PARD3: variants seen among roughly 807,000 people sequenced by gnomAD.
PARD3 encodes partitioning defective 3 homolog.
In PARD3, 75 loss-of-function variants were observed where a neutral mutation model predicts 155.4. The ratio of observed to expected loss-of-function variants is 0.48; its 90% CI spans 0.40 to 0.58. PARD3 has a LOEUF of 0.58. PARD3 is among the 20% of genes least tolerant of loss of function. The probability of loss-of-function intolerance (pLI) is 0.00; values close to 1 mark genes in which losing one functional copy is unlikely to be tolerated. For synonymous variants in PARD3, 576 were observed against 610.5 expected, an observed-to-expected ratio of 0.94 and a Z score of 0.83; for missense variants, 1,642 against 1,721.7, an observed-to-expected ratio of 0.95 and a Z score of 0.82.
At chr10:34,465,392 CA>C (rs1164836032) in intron 4 of PARD3, among the ~76,000 whole-genome samples, 1 of 152,088 alleles carries the variant, frequency 6.6e-6, no homozygotes, top group Non-Finnish European at 1.5e-5. Flanking sequence ...TAAACTTAGA[CA>C]AAACATCTCA....
chr10:34,273,685 T>C (rs555766100), intron 21 of PARD3, among the ~76,000 whole-genome samples: 1 of 152,362 alleles, frequency 6.6e-6, no homozygotes, highest in Admixed American at 6.5e-5. Flanking sequence ...CTTTGTACTA[T>C]ATTCATAACT....
At chr10:34,184,791 A>C (rs1269140505) in intron 22 of PARD3, among the ~76,000 whole-genome samples, 7 of 151,976 alleles carry the variant, frequency 4.6e-5, no homozygotes, top group African/African-American at 9.7e-5. Context: ...TACCATGAAA[A>C]ACATATCCCA....
At chr10:34,677,431 G>C (rs992619700) in intron 2 of PARD3, among the ~76,000 whole-genome samples, 4 of 150,330 alleles carry the variant, frequency 2.7e-5, no homozygotes, top group African/African-American at 7.3e-5. Context: ...CAAGAGCTGT[G>C]ATCATGCCAC....
chr10:34,355,732 G>C (rs1380919261), intron 14 of PARD3, among the ~76,000 whole-genome samples: 1 of 151,896 alleles, frequency 6.6e-6, no homozygotes, highest in Non-Finnish European at 1.5e-5. Context: ...TTTGAGACCA[G>C]CCTGACCAAC....
chr10:34,113,138 T>C (rs1344998563), intron 24 of PARD3, among the ~76,000 whole-genome samples: 3 of 152,218 alleles, frequency 2.0e-5, no homozygotes, highest in African/African-American at 7.2e-5. Context: ...GATTCTTTTA[T>C]GAGTTATCAG....
chr10:34,384,117 G>A lies in PARD3; in HGVS notation c.1016+12C>T, dbSNP rs767811648. 2.5e-6 allele frequency: 4 copies of A among 1,611,570 alleles called. No homozygotes were observed. The highest frequency in any genetic ancestry group is 3.4e-6 in the Non-Finnish European group (4 of 1,178,622). On this transcript the variant is annotated intron_variant, in intron 8 of 24. Coordinates refer to ENST00000374788, the MANE Select transcript of PARD3 (RefSeq NM_001184785.2). ...GCAAGTAAGAACAGAAGTGCAGCGA[G>A]CACACACTTACTGTTCAAATCTTCT...
intron 20 of PARD3, among the ~76,000 whole-genome samples, chr10:34,287,977 G>A (rs1237941830): frequency 2.0e-5 from 3 of 152,136 alleles, no homozygotes; most frequent in African/African-American, 2.4e-5. Flanking sequence ...TTGGGAGGTC[G>A]CCGTGGACAG....
intron 22 of PARD3, among the ~76,000 whole-genome samples, chr10:34,163,685 T>G (rs770297476): frequency 6.6e-6 from 1 of 152,204 alleles, no homozygotes; most frequent in Non-Finnish European, 1.5e-5. Context: ...AGGAAATGCA[T>G]AAACAAATAG....
intron 5 of PARD3, among the ~76,000 whole-genome samples, chr10:34,446,701 T>C (rs1375434825): frequency 6.6e-6 from 1 of 152,234 alleles, no homozygotes; most frequent in Non-Finnish European, 1.5e-5. Flanking sequence ...TTTAAAATTA[T>C]TTCCATCACA....
intron 5 of PARD3, among the ~76,000 whole-genome samples, chr10:34,438,816 C>T (rs191012619): frequency 1.1e-3 from 167 of 152,176 alleles, no homozygotes; most frequent in Non-Finnish European, 1.9e-3. Context: ...GGATATCACC[C>T]GCCATCAAAT....
At chr10:34,667,931 T>A (rs1258669932) in intron 2 of PARD3, among the ~76,000 whole-genome samples, 2 of 152,152 alleles carry the variant, frequency 1.3e-5, no homozygotes, top group Non-Finnish European at 2.9e-5. Context: ...TAAAGGGGAA[T>A]GAGAAGAAGG....
At chr10:34,804,265 G>A (rs1007124700) in intron 1 of PARD3, among the ~76,000 whole-genome samples, 1 of 152,136 alleles carries the variant, frequency 6.6e-6, no homozygotes, top group South Asian at 2.1e-4. Flanking sequence ...TTGAACTCCT[G>A]GCCTCAAGTG....
At chr10:34,448,163 G>GTGTGTGTGTGTGTGTA (rs373479806) in intron 5 of PARD3, among the ~76,000 whole-genome samples, 1 of 149,640 alleles carries the variant, frequency 6.7e-6, no homozygotes, top group African/African-American at 2.5e-5. Context: ...GTGTGTGTGT[G>GTGTGTGTGTGTGTGTA]TACACATAAA....
In PARD3 at chr10:34,614,814, G is replaced by A. The variant is rs1042055162; in HGVS notation, c.222+81504C>T. 4.6e-5 allele frequency among the ~76,000 whole-genome samples: 7 copies of A among 152,080 alleles called. No individual in the cohort carries two copies. The South Asian group carries it at 6.2e-4, about 13-fold the overall frequency. On this transcript the variant is annotated intron_variant, in intron 2 of 24. Transcript: ENST00000374788. The stretch of plus-strand genomic sequence containing the variant: ...CTAAAATTTATATGAAACCACAAAA[G>A]ACCTCAAATAGCCAAAGTGACACTA...
chr10:34,542,177 C>G (rs2083656105), intron 2 of PARD3, among the ~76,000 whole-genome samples: 1 of 151,090 alleles, frequency 6.6e-6, no homozygotes, highest in East Asian at 2.0e-4. Context: ...TCAATGTACA[C>G]TTACAAAGCA....
chr10:34,180,130 C>A (rs1251825754), intron 22 of PARD3, among the ~76,000 whole-genome samples: 1 of 152,156 alleles, frequency 6.6e-6, no homozygotes, highest in Non-Finnish European at 1.5e-5. Context: ...TCACTGCAAC[C>A]TCCCCGTCCC....
chr10:34,625,727 A>T lies in PARD3; in HGVS notation c.222+70591T>A, dbSNP rs1009571572. Among the ~76,000 whole-genome samples the T allele has an allele frequency of 2.6e-5, 4 of 152,194 alleles. No homozygotes were observed. The South Asian group carries it at 8.3e-4, about 32-fold the overall frequency. On this transcript the variant is annotated intron_variant, in intron 2 of 24. Coordinates refer to ENST00000374788, the MANE Select transcript of PARD3 (RefSeq NM_001184785.2). ...CGGGAGTTTGAGACCAGCCTGACTA[A>T]CATGGAGAAACCCTGTCTCTACTAA...
intron 1 of PARD3, among the ~76,000 whole-genome samples, chr10:34,699,344 A>C (rs1490392064): frequency 2.0e-5 from 3 of 152,158 alleles, no homozygotes; most frequent in African/African-American, 7.2e-5. Flanking sequence ...AATAATAAAT[A>C]AAACATAAAA....
At chr10:34,340,836 CCAT>C (rs967565593) in intron 16 of PARD3, among the ~76,000 whole-genome samples, 1 of 152,084 alleles carries the variant, frequency 6.6e-6, no homozygotes, top group African/African-American at 2.4e-5. Flanking sequence ...AGGAACAACA[CCAT>C]AACATTTAAA....
Sources: gnomAD v4.1 joint callset for allele counts (sites outside exome capture counted in the v4.1 genomes callset) on GRCh38, gnomAD v4.1.1 for gene constraint, MANE v1.5 for transcripts, NCBI Gene and HGNC (gene_info 2026-07-23, HGNC 2026-07-21) for gene names.